The following OC90 variants were observed in gnomAD, a reference collection of about 807,000 sequenced individuals.
OC90 encodes the protein otoconin-90.
In OC90, 46 loss-of-function variants were observed where a neutral mutation model predicts 47.3. That is an observed-to-expected ratio of 0.97 (90% CI 0.77 to 1.24). The LOEUF is 1.24. Ranked by LOEUF, OC90 falls within the 50% of genes most tolerant of loss-of-function variation. OC90 has a pLI of 0.00. For synonymous variants in OC90, 271 were observed against 219.5 expected (o/e 1.23, Z -2.07); for missense variants, 688 against 583.9 (o/e 1.18, Z -1.84).
intron 3 of OC90, among the ~76,000 whole-genome samples, chr8:132,045,480 G>A (rs1277204626): frequency 1.3e-5 from 2 of 152,252 alleles, no homozygotes; most frequent in South Asian, 2.1e-4. Context: ...TCTTGGTCTT[G>A]CCTTCTTGGA....
intron 3 of OC90, 98 bp from the exon 4 acceptor site, chr8:132,044,587 ATTCTCC>A: frequency 1.4e-6 from 1 of 709,534 alleles, no homozygotes; most frequent in Non-Finnish European, 2.4e-6. Context: ...ACCTTTCTTC[ATTCTCC>A]AAAGAAAAAA....
At chr8:132,040,168 C>T (rs1229131839) in intron 6 of OC90, among the ~76,000 whole-genome samples, 1 of 152,202 alleles carries the variant, frequency 6.6e-6, no homozygotes, top group Non-Finnish European at 1.5e-5. Flanking sequence ...CTCCTTGATG[C>T]TCCATACTCC....
chr8:132,036,195 C>T (rs1399100985), intron 9 of OC90, among the ~76,000 whole-genome samples: 2 of 152,258 alleles, frequency 1.3e-5, no homozygotes, highest in East Asian at 1.9e-4. Flanking sequence ...GAGTGACTTG[C>T]AACTTTTATT....
At chr8:132,048,082 C>G (rs981448853) in intron 2 of OC90, among the ~76,000 whole-genome samples, 2 of 152,176 alleles carry the variant, frequency 1.3e-5, no homozygotes, top group Non-Finnish European at 2.9e-5. Flanking sequence ...AACGAGAAGG[C>G]CCTCACCAGA....
chr8:132,029,319 C>A, intron 12 of OC90, 140 bp from the exon 13 acceptor site: 1 of 661,590 alleles, frequency 1.5e-6, no homozygotes, highest in South Asian at 1.8e-5. Flanking sequence ...AGGGCTGACT[C>A]ATATACACAC....
At chr8:132,050,951 G>A (rs1481448381) in intron 2 of OC90, among the ~76,000 whole-genome samples, 3 of 152,082 alleles carry the variant, frequency 2.0e-5, no homozygotes, top group African/African-American at 4.8e-5. Flanking sequence ...CTGAGATCAC[G>A]CCATTGCACT....
chr8:132,029,088 C>CCA lies in OC90; in HGVS notation c.1121_1122dup (p.Asp375TrpfsTer28). On this transcript the variant is annotated frameshift_variant, in exon 13 of 14. Transcript: ENST00000254627. LOFTEE classifies it low-confidence loss of function (END_TRUNC). The stretch of plus-strand genomic sequence containing the variant: ...CAGCACTTACACTTGGGCGTATGAT[C>CCA]CACACACACCACCGGTGACCAAGGA... 4 of 1,611,900 alleles carry CCA rather than the reference C, an allele frequency of 2.5e-6. No homozygotes were observed. The highest frequency in any genetic ancestry group is 3.4e-6 in the Non-Finnish European group (4 of 1,177,966).
At chr8:132,032,536 C>T (rs538351837) in intron 11 of OC90, among the ~76,000 whole-genome samples, 1 of 152,148 alleles carries the variant, frequency 6.6e-6, no homozygotes, top group African/African-American at 2.4e-5. Context: ...CTCCTCTGTC[C>T]ACAAATCTCA....
At chr8:132,042,555 A>C (rs1308033436) in intron 4 of OC90, among the ~76,000 whole-genome samples, 1 of 152,116 alleles carries the variant, frequency 6.6e-6, no homozygotes, top group Non-Finnish European at 1.5e-5. Context: ...TAGTGGTCCC[A>C]GCGTTTATTG....
intron 13 of OC90, among the ~76,000 whole-genome samples, chr8:132,026,283 T>C (rs1437218037): frequency 6.6e-6 from 1 of 151,864 alleles, no homozygotes; most frequent in Non-Finnish European, 1.5e-5. Context: ...TGGTTTTCAA[T>C]GAAGCTAAGG....
At position 132,037,463 on chromosome 8, in the gene OC90, G is replaced by C; in HGVS notation, c.654C>G (p.Thr218=). ...CTTCTCCTGAAAGGGCTGTCAGGCT[G>C]GTGTCTGTGGGCTCCACAGGAACCA... ...PRVVPVEPTD[T]SLTALSGEEA... The change falls in exon 9 of 14, where the codon ACC becomes ACG. Residue 218 remains threonine (T), a synonymous_variant. Transcript: ENST00000254627. The C allele has an allele frequency of 6.3e-7, 1 of 1,582,210 alleles. No individual in the cohort carries two copies. The highest frequency in any genetic ancestry group is 8.6e-7 in the Non-Finnish European group (1 of 1,162,910).
intron 2 of OC90, chr8:132,049,711 A>G (rs1007456760): frequency 6.6e-6 from 3 of 455,050 alleles, no homozygotes; most frequent in Non-Finnish European, 1.4e-5. Flanking sequence ...ATTTTTAGCT[A>G]TATAACCTTC....
Position 132,055,053 on chromosome 8 carries a change from G to A in OC90, c.-27C>T. 1 of 1,546,118 alleles carries A rather than the reference G, an allele frequency of 6.5e-7. No homozygotes were observed. Among genetic ancestry groups the A allele is most frequent in the Non-Finnish European group, 8.8e-7 (1 of 1,142,286 alleles). ...GCAGGAGAACAAAGGATGGGGCTTA[G>A]GCAGCAACTGGAACGGACTCCTGGG... On this transcript the variant is annotated 5_prime_UTR_variant, in exon 2 of 14. Transcript: ENST00000254627.
chr8:132,056,407 G>C (rs995096649), intron 1 of OC90, among the ~76,000 whole-genome samples: 1 of 152,318 alleles, frequency 6.6e-6, no homozygotes, highest in Non-Finnish European at 1.5e-5. Context: ...ACCTATCCCA[G>C]GGTCTAGCAC....
chr8:132,029,843 A>C (rs149216811), intron 12 of OC90, among the ~76,000 whole-genome samples: 240 of 152,370 alleles, frequency 1.6e-3, no homozygotes, highest in African/African-American at 5.4e-3. Flanking sequence ...TAAGAAACTT[A>C]TGATGACTTC....
chr8:132,044,495 T>C lies in OC90; in HGVS notation c.113-6A>G, dbSNP rs748475037. ...CCCACTGAAGAAAGTGATATCTAAG[T>C]GTAAGAAAGAAAACAAATGAGAGTC... is the stretch of plus-strand genomic sequence containing the variant. On this transcript the variant is annotated splice_polypyrimidine_tract_variant and splice_region_variant and intron_variant, in intron 3 of 13. Transcript: ENST00000254627. 10 of 1,515,420 alleles carry C rather than the reference T, an allele frequency of 6.6e-6. No individual in the cohort carries two copies. The South Asian group carries it at 9.5e-5, about 14-fold the overall frequency. The allele number at this position is 1,515,420 out of a possible 1,614,324, so 93.9% of individuals were successfully genotyped here.
At chr8:132,034,698 A>G in intron 10 of OC90, 83 bp downstream of exon 10, 2 of 940,968 alleles carry the variant, frequency 2.1e-6, no homozygotes, top group African/African-American at 1.7e-5. Context: ...TTCATTTGGA[A>G]CCCAGTTGAT....
chr8:132,039,821 T>C (rs1823027188), intron 6 of OC90, among the ~76,000 whole-genome samples: 1 of 152,158 alleles, frequency 6.6e-6, no homozygotes, highest in Non-Finnish European at 1.5e-5. Context: ...TGCCCATTCT[T>C]TAAGTCATCC....
intron 10 of OC90, among the ~76,000 whole-genome samples, chr8:132,034,503 G>T (rs942224452): frequency 2.0e-5 from 3 of 152,162 alleles, no homozygotes; most frequent in African/African-American, 7.2e-5. Flanking sequence ...ATAGCCAGTA[G>T]CCCTCACCTC....
Sources: allele counts gnomAD v4.1 joint callset (sites outside exome capture counted in the v4.1 genomes callset), GRCh38; gene constraint gnomAD v4.1.1; transcripts MANE v1.5; gene names NCBI Gene and HGNC (gene_info 2026-07-23, HGNC 2026-07-21).